MTUS1: variants seen among roughly 807,000 people sequenced by gnomAD.
The protein encoded by MTUS1 is microtubule-associated tumor suppressor 1.
MTUS1 carries 109 observed loss-of-function variants against 120.8 expected under a neutral mutation model. The ratio of observed to expected loss-of-function variants is 0.90; its 90% CI spans 0.77 to 1.06. The LOEUF is 1.06. Among genes scored for constraint, MTUS1 ranks in the 50% least tolerant of loss-of-function variants. The pLI, the probability that MTUS1 is intolerant of heterozygous loss-of-function variation, is 0.00. For synonymous variants in MTUS1, 737 were observed against 550.5 expected, an observed-to-expected ratio of 1.34 and a Z score of -4.74; for missense variants, 2,210 against 1,486.3, an observed-to-expected ratio of 1.49 and a Z score of -8.01.
chr8:17,728,099 A>G (rs1239581747), intron 3 of MTUS1, among the ~76,000 whole-genome samples: 4 of 152,244 alleles, frequency 2.6e-5, no homozygotes, highest in East Asian at 1.9e-4. Context: ...ATATTATCCT[A>G]TTCTGTAAAA....
intron 3 of MTUS1, among the ~76,000 whole-genome samples, chr8:17,734,942 C>G (rs1222792013): frequency 6.6e-6 from 1 of 151,704 alleles, no homozygotes; most frequent in Admixed American, 6.6e-5. Context: ...TTCAGAGGGT[C>G]TCGCTCTGTC....
Position 17,647,019 on chromosome 8 carries a change from A to C in MTUS1, c.3562T>G (p.Leu1188Val). The C allele has an allele frequency of 6.2e-7, 1 of 1,614,074 alleles. No individual in the cohort carries two copies. Among genetic ancestry groups the C allele is most frequent in the Non-Finnish European group, 8.5e-7 (1 of 1,179,998 alleles). Residue 1188 changes from leucine (L) to valine (V), a missense_variant, in exon 14 of 15, where the codon TTG becomes GTG. Transcript: ENST00000693296. ...LKRFQQENEE[L>V]KARMDKHMAI... Reference sequence around the variant, plus strand: ...ATGTGCTTGTCCATCCGAGCTTTCAATTCTTCATTCTCCTGCTGGAAACGC... The same window carrying C: ...ATGTGCTTGTCCATCCGAGCTTTCACTTCTTCATTCTCCTGCTGGAAACGC...
At chr8:17,646,948 G>C in intron 14 of MTUS1, 34 bp downstream of exon 14, 1 of 1,520,718 alleles carries the variant, frequency 6.6e-7, no homozygotes, top group East Asian at 2.3e-5. Flanking sequence ...AGGGAGCGGG[G>C]AGCTCGGGAG....
chr8:17,753,638 T>C (rs1193555219), intron 2 of MTUS1, 79 bp downstream of exon 2: 16 of 945,326 alleles, frequency 1.7e-5, no homozygotes, highest in Middle Eastern at 6.6e-4. Flanking sequence ...TATTGACTAA[T>C]AGATAACTAA....
chr8:17,667,443 C>T (rs893376520), intron 8 of MTUS1, among the ~76,000 whole-genome samples: 33 of 152,082 alleles, frequency 2.2e-4, no homozygotes, highest in East Asian at 7.7e-4. Context: ...TAGATAAAAA[C>T]GGAACAGTGA....
At chr8:17,680,600 T>C (rs1259220334) in intron 7 of MTUS1, among the ~76,000 whole-genome samples, 2 of 151,470 alleles carry the variant, frequency 1.3e-5, no homozygotes, top group Non-Finnish European at 2.9e-5. Flanking sequence ...GTCTGGGAAA[T>C]TCACTAGGAG....
At chr8:17,729,774 A>G (rs1362333493) in intron 3 of MTUS1, among the ~76,000 whole-genome samples, 1 of 152,108 alleles carries the variant, frequency 6.6e-6, no homozygotes, top group Non-Finnish European at 1.5e-5. Flanking sequence ...AAAATTTAGA[A>G]CAGAAAAACA....
upstream of MTUS1, chr8:17,801,289 G>A (rs2052662109): frequency 6.6e-6 from 1 of 151,934 alleles, no homozygotes; most frequent in South Asian, 2.1e-4. Context: ...AGGGGGTGGA[G>A]CAGGGCGGGG....
chr8:17,751,720 T>C (rs898453695), intron 2 of MTUS1, among the ~76,000 whole-genome samples: 1 of 151,444 alleles, frequency 6.6e-6, no homozygotes, highest in Admixed American at 6.6e-5. Context: ...TAGCTGGATG[T>C]GGTGGTGCAC....
At chr8:17,788,995 A>G (rs2051538705) in intron 1 of MTUS1, among the ~76,000 whole-genome samples, 1 of 152,086 alleles carries the variant, frequency 6.6e-6, no homozygotes, top group Non-Finnish European at 1.5e-5. Context: ...GTTATGCTAA[A>G]GAAATGATTT....
chr8:17,728,907 C>T (rs937862336), intron 3 of MTUS1, among the ~76,000 whole-genome samples: 3 of 152,030 alleles, frequency 2.0e-5, no homozygotes, highest in African/African-American at 7.2e-5. Flanking sequence ...TGTACCAGCA[C>T]CTGCCAGGGT....
At position 17,654,555 on chromosome 8, in the gene MTUS1, C is replaced by A; in HGVS notation, c.3214+6G>T. The stretch of plus-strand genomic sequence containing the variant: ...TCTGTTTAAAGAGGAAAAAAAGCAT[C>A]CTTGCCTGAAAGGGAGGCTTCATAG... On this transcript the variant is annotated splice_donor_region_variant and intron_variant, in intron 10 of 14. Coordinates refer to ENST00000693296, the MANE Select transcript of MTUS1 (RefSeq NM_001363059.2). 1 of 1,579,894 alleles carries A rather than the reference C, an allele frequency of 6.3e-7. No homozygotes were observed. The highest frequency in any genetic ancestry group is 8.7e-7 in the Non-Finnish European group (1 of 1,149,180).
chr8:17,667,080 G>A (rs1221741232), intron 8 of MTUS1, among the ~76,000 whole-genome samples: 1 of 152,076 alleles, frequency 6.6e-6, no homozygotes, highest in East Asian at 1.9e-4. Context: ...AGGACAAGGA[G>A]GAACAGTCAG....
At chr8:17,734,547 G>T (rs1022987687) in intron 3 of MTUS1, among the ~76,000 whole-genome samples, 1 of 152,154 alleles carries the variant, frequency 6.6e-6, no homozygotes, top group Non-Finnish European at 1.5e-5. Flanking sequence ...ACCTGCCTCT[G>T]CAAGTATGTT....
chr8:17,677,471 T>A (rs1259249126), intron 7 of MTUS1, among the ~76,000 whole-genome samples: 2 of 152,194 alleles, frequency 1.3e-5, no homozygotes, highest in Middle Eastern at 3.2e-3. Context: ...TTCAAATTTA[T>A]GGAAACTAAT....
At chr8:17,773,080 T>C (rs6986402) in intron 1 of MTUS1, among the ~76,000 whole-genome samples, 35,286 of 152,110 alleles carry the variant, frequency 0.23, 4,215 homozygotes, top group African/African-American at 0.31. Context: ...GAGATGTTAA[T>C]TTAGGCTGAA....
intron 1 of MTUS1, among the ~76,000 whole-genome samples, chr8:17,773,020 T>C (rs941151156): frequency 1.3e-5 from 2 of 152,206 alleles, no homozygotes; most frequent in Non-Finnish European, 2.9e-5. Context: ...ATATTGTTCA[T>C]GCAATATACA....
At chr8:17,711,013 C>T (rs1585869557) in intron 6 of MTUS1, among the ~76,000 whole-genome samples, 1 of 152,140 alleles carries the variant, frequency 6.6e-6, no homozygotes, top group South Asian at 2.1e-4. Context: ...TAACAATGGG[C>T]TTAATATTCA....
At chr8:17,676,609 G>A (rs2130671192) in intron 7 of MTUS1, 2 of 440,316 alleles carry the variant, frequency 4.5e-6, no homozygotes, top group East Asian at 6.9e-5. Flanking sequence ...GCAGGCATTA[G>A]ACTGATCGAT....
Sources: allele counts gnomAD v4.1 joint callset (sites outside exome capture counted in the v4.1 genomes callset), GRCh38; gene constraint gnomAD v4.1.1; transcripts MANE v1.5; gene names NCBI Gene and HGNC (gene_info 2026-07-23, HGNC 2026-07-21).